PTPRF: variants seen among roughly 807,000 people sequenced by gnomAD.
The protein encoded by PTPRF is receptor-type tyrosine-protein phosphatase F.
Under a neutral mutation model 201.8 loss-of-function variants are expected in PTPRF, and 59 were observed. That is an observed-to-expected ratio of 0.29 (90% CI 0.24 to 0.36). The LOEUF is 0.36. Among genes scored for constraint, PTPRF ranks in the 10% least tolerant of loss-of-function variants. The probability of loss-of-function intolerance (pLI) is 1.00; values close to 1 mark genes in which losing one functional copy is unlikely to be tolerated. For synonymous variants in PTPRF, 1,088 were observed against 1,089.7 expected (o/e 1.00, Z 0.03); for missense variants, 2,132 against 2,690.5 (o/e 0.79, Z 4.59).
intron 5 of PTPRF, among the ~76,000 whole-genome samples, chr1:43,555,196 CT>C (rs1175439037): frequency 6.6e-6 from 1 of 151,996 alleles, no homozygotes; most frequent in Non-Finnish European, 1.5e-5. Context: ...ATACCTGTTC[CT>C]TTTTGAAAAA....
In PTPRF at chr1:43,569,727, C is replaced by T. The variant is rs368692509; in HGVS notation, c.517C>T (p.Leu173Phe). The part of the protein sequence containing the change: ...DPEISWFKDF[L>F]PVDPATSNGR... ...TGAGATTTCTTGGTTCAAGGACTTC[C>T]TTCCTGTAGACCCTGCCACGAGCAA... The change falls in exon 6 of 34, where the codon CTT becomes TTT. Residue 173 changes from leucine to phenylalanine, a missense_variant. Leu to Phe is a conservative substitution (Grantham distance 22). Coordinates refer to ENST00000359947, the MANE Select transcript of PTPRF (RefSeq NM_002840.5). 9.9e-6 allele frequency: 16 copies of T among 1,613,834 alleles called. No homozygotes were observed. Among genetic ancestry groups the T allele is most frequent in the African/African-American group, 1.3e-5 (1 of 74,908 alleles).
intron 5 of PTPRF, among the ~76,000 whole-genome samples, chr1:43,555,442 C>CTTTTTTTTTTT (rs986469997): frequency 8.7e-6 from 1 of 115,566 alleles, no homozygotes; most frequent in Non-Finnish European, 1.8e-5. Context: ...TATCATTATT[C>CTTTTTTTTTTT]TTTTTTTTTT....
rs79766207 is a variant in PTPRF at position 43,592,556 on chromosome 1, G to T, written c.1768G>T (p.Val590Leu). ...GCTGGCTGCACGCTCGGATATGGGGGTGGGCGTCTTCACCCCCACCATTGA... is the reference window on the plus strand; with the variant it reads ...GCTGGCTGCACGCTCGGATATGGGGTTGGGCGTCTTCACCCCCACCATTGA... ...FQLAARSDMGVGVFTPTIEAR... is the reference protein window; with the variant it reads ...FQLAARSDMGLGVFTPTIEAR... Residue 590 changes from valine to leucine, a missense_variant, in exon 11 of 34, where the codon GTG becomes TTG. Around this residue, in one of 6 missense-constraint regions of PTPRF, gnomAD observed 351 missense variants for 401.7 expected, o/e 0.87. Transcript: ENST00000359947. The T allele has an allele frequency of 6.2e-7, 1 of 1,611,494 alleles. No homozygotes were observed. Among genetic ancestry groups the T allele is most frequent in the Admixed American group, 1.7e-5 (1 of 59,818 alleles).
At chr1:43,575,863 A>G (rs1429740991) in intron 6 of PTPRF, 3 of 1,342,340 alleles carry the variant, frequency 2.2e-6, no homozygotes, top group Non-Finnish European at 3.0e-6. Context: ...TTCCTTTTAT[A>G]CTAATGCTTC....
At chr1:43,620,620 C>T in intron 31 of PTPRF, 41 bp downstream of exon 31, 1 of 1,601,046 alleles carries the variant, frequency 6.2e-7, no homozygotes, top group Admixed American at 1.7e-5. Context: ...GCTGCCTGTC[C>T]ACACGCTGGG....
chr1:43,603,974 T>C lies in PTPRF; in HGVS notation c.2822T>C (p.Leu941Pro). Residue 941 changes from leucine (L) to proline (P), a missense_variant, in exon 16 of 34, where the codon CTG (leucine) becomes CCG (proline). Coordinates refer to ENST00000359947, the MANE Select transcript of PTPRF (RefSeq NM_002840.5). This position sits in a 1 kb window ranked among gnomAD's most constrained non-coding sequence, Gnocchi z 5.8. ...GAACTGGCCTGGGACCCGCCAGTGC[T>C]GGCGGAGAGGAACGGGCGCATCATC... ...TTELAWDPPV[L>P]AERNGRIISY... 1 of 1,614,164 alleles carries C rather than the reference T, an allele frequency of 6.2e-7. No homozygotes were observed. The highest frequency in any genetic ancestry group is 1.1e-5 in the South Asian group (1 of 91,084).
upstream of PTPRF, among the ~76,000 whole-genome samples, chr1:43,525,754 G>A (rs1450624415): frequency 1.5e-5 from 2 of 136,702 alleles, no homozygotes; most frequent in South Asian, 2.4e-4. Context: ...GCAGTGAGCC[G>A]AGATGGCGCC....
intron 1 of PTPRF, among the ~76,000 whole-genome samples, chr1:43,535,970 A>G (rs1315851112): frequency 6.6e-6 from 1 of 152,020 alleles, no homozygotes; most frequent in Admixed American, 6.6e-5. Flanking sequence ...GGGTTTTGTC[A>G]TGTTGTCCAG....
In PTPRF at chr1:43,591,187, G is replaced by T; in HGVS notation, c.1165G>T (p.Val389Leu). 1.9e-6 allele frequency: 3 copies of T among 1,610,904 alleles called. No homozygotes were observed. The highest frequency in any genetic ancestry group is 2.5e-6 in the Non-Finnish European group (3 of 1,178,696). ...CCCTTTCTCGGAATATGCCTTCCGC[G>T]TGCTGGCGGTGAACAGCATCGGGCG... is the stretch of plus-strand genomic sequence containing the variant. Reference protein sequence around the residue: ...LSPFSEYAFRVLAVNSIGRGP... With the variant: ...LSPFSEYAFRLLAVNSIGRGP... The change falls in exon 9 of 34, where the codon GTG (valine) becomes TTG (leucine). Residue 389 changes from valine to leucine, a missense_variant. Physicochemically the swap from Val to Leu is conservative, Grantham distance 32. Transcript: ENST00000359947.
chr1:43,572,286 C>A (rs1049406209), intron 6 of PTPRF, among the ~76,000 whole-genome samples: 1 of 152,220 alleles, frequency 6.6e-6, no homozygotes, highest in Non-Finnish European at 1.5e-5. Context: ...TGAATGATTT[C>A]ATGAACTTGA....
intron 7 of PTPRF, chr1:43,582,998 C>A: frequency 1.1e-6 from 1 of 917,066 alleles, no homozygotes; most frequent in Non-Finnish European, 1.3e-6. Context: ...TGTTTTTACT[C>A]TCTCTGTGTT....
chr1:43,586,983 A>C lies in PTPRF; in HGVS notation c.680-1748A>C, dbSNP rs374743453. 6.8e-4 allele frequency among the ~76,000 whole-genome samples: 104 copies of C among 152,290 alleles called. 1 individual carries two copies. The South Asian group carries it at 9.1e-3, about 13-fold the overall frequency. On this transcript the variant is annotated intron_variant, in intron 7 of 33. Coordinates refer to ENST00000359947, the MANE Select transcript of PTPRF (RefSeq NM_002840.5). Reference sequence around the variant, plus strand: ...CTCATTGATTTGAGGAGAAAGCAGAACCCTGAATGTCTACAAGATACTCTC... The same window carrying C: ...CTCATTGATTTGAGGAGAAAGCAGACCCCTGAATGTCTACAAGATACTCTC...
rs1343911221 is a variant in PTPRF, at chr1:43,591,884, C to T, written c.1604C>T (p.Pro535Leu). 6 of 1,613,326 alleles carry T rather than the reference C, an allele frequency of 3.7e-6. No homozygotes were observed. Among genetic ancestry groups the T allele is most frequent in the Non-Finnish European group, 4.2e-6 (5 of 1,180,018 alleles). ...AGGATCCAGCTCTCGTGGCTGCTGC[C>T]CCCTCAGGAGCGGATCATCATGTAT... ...DTRIQLSWLL[P>L]PQERIIMYEL... The change falls in exon 10 of 34, where the codon CCC (proline) becomes CTC (leucine). Residue 535 changes from proline to leucine, a missense_variant. Pro to Leu is a moderately conservative substitution (Grantham distance 98, BLOSUM62 -3). Transcript: ENST00000359947.
intron 33 of PTPRF, 149 bp from the exon 34 acceptor site, chr1:43,621,786 C>T (rs148769960): frequency 1.3e-4 from 89 of 704,184 alleles, no homozygotes; most frequent in Admixed American, 2.4e-4. Flanking sequence ...CTTTCAGGCT[C>T]CCCCGCACAC....
rs754573543 is a variant in PTPRF at position 43,620,909 on chromosome 1, C to G, written c.5436C>G (p.Gly1812=). Residue 1812 remains glycine, a synonymous_variant, in exon 32 of 34, where the codon GGC becomes GGG. Coordinates refer to ENST00000359947, the MANE Select transcript of PTPRF (RefSeq NM_002840.5). ...CAGAGCAGGGCGTGCCCAAGACAGG[C>G]GAGGGATTCATTGACTTCATCGGGC... The part of the protein sequence containing the change: ...DWPEQGVPKT[G]EGFIDFIGQV... The G allele has an allele frequency of 6.2e-7, 1 of 1,614,186 alleles. No homozygotes were observed. Among genetic ancestry groups the G allele is most frequent in the Non-Finnish European group, 8.5e-7 (1 of 1,180,014 alleles).
In PTPRF at chr1:43,545,110, T is replaced by C; in HGVS notation, c.35T>C (p.Val12Ala). The change falls in exon 3 of 34, where the codon GTG (valine) becomes GCG (alanine). Residue 12 changes from valine to alanine, a missense_variant. By Grantham distance (64) the Val-to-Ala change is moderately conservative (BLOSUM62 0). Around this residue, in one of 6 missense-constraint regions of PTPRF, gnomAD observed 297 missense variants for 454.0 expected, o/e 0.65. Transcript: ENST00000359947. ...APEPAPGRTM[V>A]PLVPALVMLG... is the part of the protein sequence containing the mutation. ...GAGCCAGCCCCAGGGAGGACGATGG[T>C]GCCCCTTGTGCCTGCACTGGTGATG... 6.3e-7 allele frequency: 1 copy of C among 1,588,548 alleles called. No individual in the cohort carries two copies. Among genetic ancestry groups the C allele is most frequent in the African/African-American group, 1.3e-5 (1 of 74,442 alleles).
In PTPRF at chr1:43,619,708, C is replaced by T; in HGVS notation, c.4961C>T (p.Ser1654Phe). 6.2e-7 allele frequency: 1 copy of T among 1,614,212 alleles called. No homozygotes were observed. The highest frequency in any genetic ancestry group is 1.3e-5 in the African/African-American group (1 of 75,054). The change falls in exon 29 of 34, where the codon TCC becomes TTC. Residue 1654 changes from serine (S) to phenylalanine (F), a missense_variant. Around this residue, in one of 6 missense-constraint regions of PTPRF, gnomAD observed 519 missense variants for 659.5 expected, o/e 0.79. Coordinates refer to ENST00000359947, the MANE Select transcript of PTPRF (RefSeq NM_002840.5). Reference protein sequence around the residue: ...KLLASSKAHTSRFISANLPCN... With the variant: ...KLLASSKAHTFRFISANLPCN... The stretch of plus-strand genomic sequence containing the variant: ...CTGGCCAGCTCCAAGGCCCACACGT[C>T]CCGCTTCATCAGCGCCAACCTGCCC...
intron 6 of PTPRF, among the ~76,000 whole-genome samples, chr1:43,577,580 C>A (rs1647011884): frequency 1.3e-5 from 2 of 152,174 alleles, no homozygotes; most frequent in African/African-American, 4.8e-5. Context: ...AGGGTGGTAC[C>A]CCTTTGGGCC....
chr1:43,607,088 T>C, intron 21 of PTPRF, 120 bp downstream of exon 21: 2 of 1,370,766 alleles, frequency 1.5e-6, no homozygotes, highest in Non-Finnish European at 2.0e-6. Context: ...AGCCTCAGGC[T>C]CAGCAGGAAG....
Sources: allele counts gnomAD v4.1 joint callset (sites outside exome capture counted in the v4.1 genomes callset), GRCh38; gene constraint gnomAD v4.1.1; regional missense constraint gnomAD v4.1.1; non-coding constraint Gnocchi (gnomAD v3.1); transcripts MANE v1.5; gene names NCBI Gene and HGNC (gene_info 2026-07-23, HGNC 2026-07-21).